The following GLRA3 variants were observed in gnomAD, a reference collection of about 807,000 sequenced individuals.
GLRA3 encodes the protein glycine receptor subunit alpha-3.
In GLRA3, 44 loss-of-function variants were observed where a neutral mutation model predicts 60.4. The ratio of observed to expected loss-of-function variants is 0.73; its 90% CI spans 0.57 to 0.94. GLRA3 has a LOEUF of 0.94. Ranked by LOEUF, GLRA3 falls within the 40% of genes least tolerant of loss-of-function variation. The pLI, the probability that GLRA3 is intolerant of heterozygous loss-of-function variation, is 0.00. For missense variants in GLRA3, 508 were observed against 564.6 expected, an observed-to-expected ratio of 0.90 and a Z score of 1.02; for synonymous variants, 223 against 192.9, an observed-to-expected ratio of 1.16 and a Z score of -1.29.
chr4:174,659,579 G>A (rs886229148), intron 7 of GLRA3, among the ~76,000 whole-genome samples: 4 of 151,866 alleles, frequency 2.6e-5, no homozygotes, highest in African/African-American at 9.7e-5. Flanking sequence ...TATTAATTCT[G>A]TTAAGATATT....
At chr4:174,794,880 A>C (rs886259826) in intron 1 of GLRA3, among the ~76,000 whole-genome samples, 1 of 152,098 alleles carries the variant, frequency 6.6e-6, no homozygotes, top group African/African-American at 2.4e-5. Flanking sequence ...AGGGGTGGGA[A>C]TATATAAAAA....
At chr4:174,771,696 G>C (rs76968427) in intron 2 of GLRA3, among the ~76,000 whole-genome samples, 1 of 151,982 alleles carries the variant, frequency 6.6e-6, no homozygotes, top group Admixed American at 6.6e-5. Context: ...TGGCTGAAAC[G>C]GAAATAAATA....
rs762799610 is a variant in GLRA3 at position 174,728,543 on chromosome 4, A to G, written c.423T>C (p.Phe141=). 6.2e-7 allele frequency: 1 copy of G among 1,613,604 alleles called. No homozygotes were observed. The change falls in exon 4 of 10, where the codon TTT becomes TTC. Residue 141 remains phenylalanine, a synonymous_variant. Transcript: ENST00000274093. ...LFFANEKGAN[F]HEVTTDNKLL... is the part of the protein sequence containing the mutation. ...ATTTGTTGTCTGTAGTGACTTCATG[A>G]AAGTTGGCACCCTTTTCATTGGCAA...
At chr4:174,816,015 G>A (rs913325888) in intron 1 of GLRA3, among the ~76,000 whole-genome samples, 10 of 152,146 alleles carry the variant, frequency 6.6e-5, no homozygotes, top group Admixed American at 3.3e-4. Flanking sequence ...ATGAGTGCAC[G>A]TGGGAATTCA....
intron 5 of GLRA3, among the ~76,000 whole-genome samples, chr4:174,707,183 T>A (rs1466033228): frequency 6.6e-6 from 1 of 152,206 alleles, no homozygotes; most frequent in African/African-American, 2.4e-5. Flanking sequence ...TCAAGACAAA[T>A]ACCTGTAGTG....
At position 174,637,777 on chromosome 4, in the gene GLRA3, A is replaced by G. The variant is rs1250355553; in HGVS notation, c.*6009T>C. ...TATATAATATCTTCATATCTGAAAT[A>G]AATTTAAAAATATTTAATTTAAATT... On this transcript the variant is annotated 3_prime_UTR_variant, in exon 10 of 10. Transcript: ENST00000274093. 6.6e-6 allele frequency: 1 copy of G among 152,196 alleles called. No homozygotes were observed. The highest frequency in any genetic ancestry group is 1.5e-5 in the Non-Finnish European group (1 of 68,038). 9.4% of individuals were successfully genotyped at this position (152,196 alleles called of 1,614,324 possible).
intron 2 of GLRA3, among the ~76,000 whole-genome samples, chr4:174,780,583 G>A (rs1448115334): frequency 6.8e-6 from 1 of 147,086 alleles, no homozygotes; most frequent in African/African-American, 2.5e-5. Context: ...CACATGCAGA[G>A]ACACACATAG....
At chr4:174,778,898 G>T (rs1205268752) in intron 2 of GLRA3, among the ~76,000 whole-genome samples, 1 of 152,206 alleles carries the variant, frequency 6.6e-6, no homozygotes, top group Non-Finnish European at 1.5e-5. Context: ...TGGGGGAGGG[G>T]CGCCCGCCAT....
At chr4:174,800,947 A>T (rs901220181) in intron 1 of GLRA3, among the ~76,000 whole-genome samples, 1 of 152,090 alleles carries the variant, frequency 6.6e-6, no homozygotes, top group Admixed American at 6.5e-5. Flanking sequence ...TCAGTACATT[A>T]CATGAGATAT....
chr4:174,808,102 C>T (rs1740120323), intron 1 of GLRA3, among the ~76,000 whole-genome samples: 2 of 151,716 alleles, frequency 1.3e-5, no homozygotes, highest in Non-Finnish European at 1.5e-5. Flanking sequence ...GCAAAGAGGA[C>T]ATCATAGGTT....
chr4:174,658,637 T>C (rs1021613401), intron 8 of GLRA3, among the ~76,000 whole-genome samples: 22 of 152,158 alleles, frequency 1.4e-4, no homozygotes, highest in Non-Finnish European at 3.1e-4. Flanking sequence ...TATTAGTAAA[T>C]AAGTAATATT....
intron 3 of GLRA3, among the ~76,000 whole-genome samples, chr4:174,748,050 C>G (rs1263546410): frequency 3.3e-5 from 5 of 152,030 alleles, no homozygotes; most frequent in African/African-American, 1.2e-4. Flanking sequence ...GGCCATAAAG[C>G]CAAGGACAAG....
intron 2 of GLRA3, among the ~76,000 whole-genome samples, chr4:174,781,860 G>A (rs575876690): frequency 2.4e-4 from 37 of 152,216 alleles, no homozygotes; most frequent in African/African-American, 8.9e-4. Context: ...GACCAAAAAT[G>A]GATTCACAGC....
chr4:174,657,397 A>G (rs528814005), intron 8 of GLRA3, among the ~76,000 whole-genome samples: 2 of 152,294 alleles, frequency 1.3e-5, no homozygotes, highest in South Asian at 4.1e-4. Flanking sequence ...CATGCTTGAT[A>G]CATTCTAAAT....
intron 7 of GLRA3, among the ~76,000 whole-genome samples, chr4:174,667,464 T>C (rs987871270): frequency 2.0e-5 from 3 of 152,146 alleles, no homozygotes; most frequent in African/African-American, 7.2e-5. Context: ...GGAAAGAAGC[T>C]GTCAATTAAT....
intron 1 of GLRA3, among the ~76,000 whole-genome samples, chr4:174,808,058 G>T (rs189219379): frequency 1.4e-3 from 213 of 152,170 alleles, no homozygotes; most frequent in African/African-American, 4.8e-3. Flanking sequence ...GATGGTCGCT[G>T]TGCTGTGGAG....
chr4:174,803,505 C>T (rs2111347774), intron 1 of GLRA3, among the ~76,000 whole-genome samples: 1 of 152,242 alleles, frequency 6.6e-6, no homozygotes, highest in East Asian at 1.9e-4. Flanking sequence ...AGCCAGGAAG[C>T]TTGTATTTTG....
intron 1 of GLRA3, among the ~76,000 whole-genome samples, chr4:174,796,407 T>C (rs1185648975): frequency 6.6e-6 from 1 of 152,228 alleles, no homozygotes; most frequent in Non-Finnish European, 1.5e-5. Context: ...TGATACAGAC[T>C]CATTCAATTG....
At position 174,670,133 on chromosome 4, in the gene GLRA3, C is replaced by T. The variant is rs185515313; in HGVS notation, c.927+6945G>A. On this transcript the variant is annotated intron_variant, in intron 7 of 9. Transcript: ENST00000274093. ...ATGAAATTGTCAAATCTAGATGTCA[C>T]TGAAAATGCTTCTTAGGTGCATGCC... Among the ~76,000 whole-genome samples, 129 of 152,230 alleles carry T rather than the reference C, an allele frequency of 8.5e-4. 1 individual carries two copies. Among genetic ancestry groups the T allele is most frequent in the African/African-American group, 3.0e-3 (124 of 41,542 alleles).
Sources: gnomAD v4.1 joint callset for allele counts (sites outside exome capture counted in the v4.1 genomes callset) on GRCh38, gnomAD v4.1.1 for gene constraint, MANE v1.5 for transcripts, NCBI Gene and HGNC (gene_info 2026-07-23, HGNC 2026-07-21) for gene names.